Variants in DPYS observed in about 807,000 individuals in gnomAD.
DPYS encodes dihydropyrimidinase.
In DPYS, 39 loss-of-function variants were observed where a neutral mutation model predicts 50.3. The ratio of observed to expected loss-of-function variants is 0.78; its 90% confidence interval spans 0.60 to 1.01. The LOEUF (loss-of-function observed/expected upper bound fraction) is 1.01. Ranked by LOEUF, DPYS falls within the 50% of genes least tolerant of loss-of-function variation. The pLI is 0.00. For missense variants in DPYS, 659 were observed against 680.9 expected, an observed-to-expected ratio of 0.97 and a Z score of 0.36; for synonymous variants, 245 against 250.7, an observed-to-expected ratio of 0.98 and a Z score of 0.22.
chr8:104,456,308 T>G (rs1480933310), intron 1 of DPYS, among the ~76,000 whole-genome samples: 4 of 152,120 alleles, frequency 2.6e-5, no homozygotes, highest in African/African-American at 9.7e-5. Flanking sequence ...GTGTATAAAT[T>G]AAATAGACAG....
In DPYS at chr8:104,391,916, C is replaced by G. The variant is rs116480374; in HGVS notation, c.1443+868G>C. Among the ~76,000 whole-genome samples, 790 of 152,032 alleles carry G rather than the reference C, an allele frequency of 5.2e-3. 4 individuals carry two copies. The highest frequency in any genetic ancestry group is 0.018 in the African/African-American group (757 of 41,426). ...TGGTGAGCTACTGCTTTGGGCCATG[C>G]CTTTCATTTAAAAAAAAACCCATTT... On this transcript the variant is annotated intron_variant, in intron 8 of 9. Transcript: ENST00000351513.
intron 8 of DPYS, 24 bp from the exon 9 acceptor site, chr8:104,381,338 C>T: frequency 1.9e-6 from 3 of 1,606,010 alleles, no homozygotes; most frequent in South Asian, 2.2e-5. Context: ...TTTCATTTCT[C>T]TCTTGTGGTT....
chr8:104,445,540 C>G (rs1179131705), intron 3 of DPYS, among the ~76,000 whole-genome samples: 1 of 152,052 alleles, frequency 6.6e-6, no homozygotes, highest in Non-Finnish European at 1.5e-5. Flanking sequence ...ATTGCATGTT[C>G]TCACTTATTT....
intron 6 of DPYS, 122 bp from the exon 7 acceptor site, chr8:104,424,511 GCATCTGAGGATGCTGGT>G (rs1180365963): frequency 3.9e-6 from 4 of 1,027,548 alleles, no homozygotes; most frequent in Non-Finnish European, 5.8e-6. Context: ...ATATTGTAGA[GCATCTGAGGATGCTGGT>G]AAGTATTAAA....
rs747466645 is a variant in DPYS, at chr8:104,466,686, A to G, written c.235T>C (p.Ser79Pro). 26 of 1,526,640 alleles carry G rather than the reference A, an allele frequency of 1.7e-5. No individual in the cohort carries two copies. In the South Asian group the frequency reaches 3.2e-4, roughly 19 times the overall value. 94.6% of individuals were successfully genotyped at this position (1,526,640 alleles called of 1,614,324 possible). ...HMQFPFMGSR[S>P]IDDFHQGTKA... ...GTGCCCTGGTGGAAGTCGTCGATGG[A>G]CCGCGAGCCCATGAAGGGGAACTGC... The change falls in exon 1 of 10, where the codon TCC (serine) becomes CCC (proline). Residue 79 changes from serine (S) to proline (P), a missense_variant. Transcript: ENST00000351513.
At chr8:104,412,301 A>G (rs1231177194) in intron 7 of DPYS, among the ~76,000 whole-genome samples, 1 of 152,230 alleles carries the variant, frequency 6.6e-6, no homozygotes, top group Non-Finnish European at 1.5e-5. Context: ...GAAAGAAAGC[A>G]CTAACCTCAG....
At chr8:104,450,635 G>A (rs1176348062) in intron 2 of DPYS, among the ~76,000 whole-genome samples, 1 of 152,168 alleles carries the variant, frequency 6.6e-6, no homozygotes, top group Non-Finnish European at 1.5e-5. Context: ...AGTGGACATG[G>A]AAGGTTGTTT....
At chr8:104,399,201 G>A (rs562130048) in intron 7 of DPYS, among the ~76,000 whole-genome samples, 2 of 145,102 alleles carry the variant, frequency 1.4e-5, no homozygotes, top group East Asian at 4.4e-4. Flanking sequence ...TGAAGCAGGA[G>A]AATCAGTTGA....
chr8:104,397,337 TTGG>T (rs1460828308), intron 7 of DPYS, among the ~76,000 whole-genome samples: 2 of 152,238 alleles, frequency 1.3e-5, no homozygotes, highest in African/African-American at 4.8e-5. Context: ...AGAGACTAGG[TTGG>T]TTTAGCTTCA....
rs972904018 is a variant in DPYS at position 104,389,841 on chromosome 8, G to A, written c.1443+2943C>T. ...TTTTAAAACAATGATGCACTAAAAT[G>A]CCTAAAAATTTGATACCAGAAAAAA... On this transcript the variant is annotated intron_variant, in intron 8 of 9. Transcript: ENST00000351513. Among the ~76,000 whole-genome samples the A allele has an allele frequency of 6.6e-5, 10 of 152,030 alleles. 1 individual carries two copies. In the South Asian group the frequency reaches 2.1e-3, roughly 32 times the overall value.
chr8:104,406,836 CACAT>C (rs1405731442), intron 7 of DPYS, among the ~76,000 whole-genome samples: 1 of 152,206 alleles, frequency 6.6e-6, no homozygotes, highest in Non-Finnish European at 1.5e-5. Flanking sequence ...CACACACACA[CACAT>C]ACACACACAC....
At chr8:104,381,494 C>T in intron 8 of DPYS, 180 bp from the exon 9 acceptor site, 1 of 611,232 alleles carries the variant, frequency 1.6e-6, no homozygotes, top group East Asian at 3.2e-5. Context: ...CTGGATTGTC[C>T]CACTTTTTGT....
chr8:104,417,897 C>T (rs182255521), intron 7 of DPYS, among the ~76,000 whole-genome samples: 2 of 152,270 alleles, frequency 1.3e-5, no homozygotes, highest in African/African-American at 4.8e-5. Flanking sequence ...AAATTCCTCA[C>T]CTTGGAATCA....
chr8:104,466,375 GA>G (rs2140795209), intron 1 of DPYS, among the ~76,000 whole-genome samples: 1 of 152,314 alleles, frequency 6.6e-6, no homozygotes, highest in Non-Finnish European at 1.5e-5. Context: ...AGGGTAAGGG[GA>G]TGGCCTTAAA....
chr8:104,459,931 T>C (rs960809473), intron 1 of DPYS, among the ~76,000 whole-genome samples: 1 of 152,216 alleles, frequency 6.6e-6, no homozygotes, highest in Non-Finnish European at 1.5e-5. Flanking sequence ...GTTGTTTTTT[T>C]GTAAGTGCCT....
chr8:104,407,333 A>G (rs2140561614), intron 7 of DPYS, among the ~76,000 whole-genome samples: 1 of 152,366 alleles, frequency 6.6e-6, no homozygotes, highest in African/African-American at 2.4e-5. Context: ...ATGCACATTT[A>G]TATAAAATTT....
chr8:104,427,584 G>A (rs894404558), intron 6 of DPYS, among the ~76,000 whole-genome samples: 2 of 151,732 alleles, frequency 1.3e-5, no homozygotes, highest in South Asian at 2.1e-4. Context: ...CTGCCCCTTC[G>A]TGTATTTTTT....
chr8:104,417,156 G>A (rs1307598144), intron 7 of DPYS, among the ~76,000 whole-genome samples: 1 of 152,160 alleles, frequency 6.6e-6, no homozygotes, highest in African/African-American at 2.4e-5. Flanking sequence ...GGCAGAATAC[G>A]GTCCAGCTAG....
chr8:104,419,009 T>G, intron 7 of DPYS: 1 of 985,450 alleles, frequency 1.0e-6, no homozygotes. Context: ...TTGGCTTCAT[T>G]TCATCTCTCT....
Sources: gnomAD v4.1 joint callset for allele counts (sites outside exome capture counted in the v4.1 genomes callset) on GRCh38, gnomAD v4.1.1 for gene constraint, MANE v1.5 for transcripts, NCBI Gene and HGNC (gene_info 2026-07-23, HGNC 2026-07-21) for gene names.